The following LRP1B variants were observed in gnomAD, a reference collection of about 807,000 sequenced individuals.
LRP1B encodes the protein low-density lipoprotein receptor-related protein 1B.
LRP1B carries 217 observed loss-of-function variants against 556.6 expected under a neutral mutation model. That is an observed-to-expected ratio of 0.39 (90% confidence interval 0.35 to 0.44). The LOEUF is 0.44. LRP1B is among the 20% of genes least tolerant of loss of function. The probability of loss-of-function intolerance (pLI) is 1.00; values close to 1 mark genes in which losing one functional copy is unlikely to be tolerated. For synonymous variants in LRP1B, 2,047 were observed against 1,865.8 expected (o/e 1.10, Z -2.50); for missense variants, 5,053 against 5,620.8 (o/e 0.90, Z 3.23).
chr2:140,986,157 T>C (rs1173326880), intron 17 of LRP1B, among the ~76,000 whole-genome samples: 5 of 152,034 alleles, frequency 3.3e-5, no homozygotes, highest in Non-Finnish European at 5.9e-5. Context: ...TTTAACTTTA[T>C]TTTTAAATTC....
chr2:140,516,130 A>T (rs568510032), intron 50 of LRP1B, among the ~76,000 whole-genome samples: 1 of 152,186 alleles, frequency 6.6e-6, no homozygotes, highest in Non-Finnish European at 1.5e-5. Context: ...ATAGAAGTTT[A>T]TATATATTAT....
intron 43 of LRP1B, among the ~76,000 whole-genome samples, chr2:140,545,692 A>T (rs966318091): frequency 6.6e-6 from 1 of 152,042 alleles, no homozygotes; most frequent in East Asian, 1.9e-4. Context: ...GTAGCCCTGT[A>T]GTACAGTTTG....
intron 3 of LRP1B, among the ~76,000 whole-genome samples, chr2:141,277,787 T>C (rs920755809): frequency 6.6e-6 from 1 of 151,840 alleles, no homozygotes; most frequent in South Asian, 2.1e-4. Context: ...AATCCAATTA[T>C]TATTTAGAAG....
chr2:141,516,607 AT>A (rs1439718412), intron 2 of LRP1B, among the ~76,000 whole-genome samples: 2 of 151,830 alleles, frequency 1.3e-5, no homozygotes, highest in African/African-American at 4.8e-5. Flanking sequence ...GGGAGCCATG[AT>A]TGCACCACTG....
rs1250290662 is a variant in LRP1B at position 140,289,551 on chromosome 2, C to A, written c.12967+8257G>T. Among the ~76,000 whole-genome samples, 5 of 151,422 alleles carry A rather than the reference C, an allele frequency of 3.3e-5. No individual in the cohort carries two copies. The East Asian group carries it at 9.8e-4, about 30-fold the overall frequency. The stretch of plus-strand genomic sequence containing the variant: ...ACATACATTGGTTTCTAATAAATTT[C>A]CTTTTATGTATAAGCACGTACGCCT... On this transcript the variant is annotated intron_variant, in intron 84 of 90. Transcript: ENST00000389484.
chr2:140,353,279 T>C (rs1682057024), intron 75 of LRP1B, among the ~76,000 whole-genome samples: 1 of 152,300 alleles, frequency 6.6e-6, no homozygotes, highest in South Asian at 2.1e-4. Context: ...TCAATTGTCA[T>C]TGCTTTTATT....
At chr2:141,981,832 G>C (rs1702050113) in intron 1 of LRP1B, among the ~76,000 whole-genome samples, 1 of 152,070 alleles carries the variant, frequency 6.6e-6, no homozygotes, top group Non-Finnish European at 1.5e-5. Context: ...TTCTAGTCAA[G>C]GTAATTAAAA....
intron 23 of LRP1B, among the ~76,000 whole-genome samples, chr2:140,900,767 A>T (rs1413074818): frequency 6.6e-6 from 1 of 152,002 alleles, no homozygotes; most frequent in Non-Finnish European, 1.5e-5. Context: ...GCCATTTAAA[A>T]ATGTGATCAC....
chr2:140,978,948 C>G (rs1361779775), intron 18 of LRP1B, among the ~76,000 whole-genome samples: 1 of 152,122 alleles, frequency 6.6e-6, no homozygotes, highest in African/African-American at 2.4e-5. Context: ...TTGTGTGCTG[C>G]AGGCCTCTTG....
At chr2:140,812,726 C>T (rs1690972067) in intron 32 of LRP1B, among the ~76,000 whole-genome samples, 1 of 151,802 alleles carries the variant, frequency 6.6e-6, no homozygotes, top group Admixed American at 6.6e-5. Context: ...TTCAAATGGG[C>T]TTTTCATAAA....
chr2:141,279,243 T>A (rs1685418649), intron 3 of LRP1B, among the ~76,000 whole-genome samples: 1 of 151,790 alleles, frequency 6.6e-6, no homozygotes, highest in African/African-American at 2.4e-5. Context: ...ATGTTTATAG[T>A]AATTCTTATA....
chr2:140,595,090 A>ATATCTATATATATATC (rs1207265838), intron 43 of LRP1B, among the ~76,000 whole-genome samples: 1 of 3,336 alleles, frequency 3.0e-4, no homozygotes, highest in African/African-American at 8.5e-4. Flanking sequence ...TAAATTGAAT[A>ATATCTATATATATATC]TATATATATA....
chr2:142,036,105 G>T (rs1180014084), intron 1 of LRP1B, among the ~76,000 whole-genome samples: 1 of 151,594 alleles, frequency 6.6e-6, no homozygotes, highest in Non-Finnish European at 1.5e-5. Flanking sequence ...TTAATCAGCA[G>T]CATAAAAACA....
At chr2:140,686,822 A>T (rs1222011399) in intron 41 of LRP1B, among the ~76,000 whole-genome samples, 1 of 152,090 alleles carries the variant, frequency 6.6e-6, no homozygotes, top group African/African-American at 2.4e-5. Context: ...TGGGAACAGC[A>T]TATGTAGAGT....
At chr2:140,642,032 C>T (rs1418270059) in intron 41 of LRP1B, among the ~76,000 whole-genome samples, 1 of 151,994 alleles carries the variant, frequency 6.6e-6, no homozygotes, top group Non-Finnish European at 1.5e-5. Flanking sequence ...CTCAGATAAC[C>T]ATTGATGATT....
intron 1 of LRP1B, among the ~76,000 whole-genome samples, chr2:142,108,252 G>A (rs548445880): frequency 6.6e-6 from 1 of 151,972 alleles, no homozygotes; most frequent in South Asian, 2.1e-4. Context: ...TCTTTCCTAT[G>A]ATTTTAGAGC....
At chr2:141,539,890 A>T (rs1685193803) in intron 2 of LRP1B, among the ~76,000 whole-genome samples, 1 of 152,142 alleles carries the variant, frequency 6.6e-6, no homozygotes, top group Non-Finnish European at 1.5e-5. Flanking sequence ...GACCTACAAA[A>T]GTAAGCCACA....
At chr2:141,990,885 G>A (rs1209219187) in intron 1 of LRP1B, among the ~76,000 whole-genome samples, 1 of 151,928 alleles carries the variant, frequency 6.6e-6, no homozygotes, top group Non-Finnish European at 1.5e-5. Flanking sequence ...GTAATTTTCT[G>A]TAATCAGTGT....
chr2:140,520,682 T>C (rs1690125355), intron 49 of LRP1B, among the ~76,000 whole-genome samples: 1 of 151,392 alleles, frequency 6.6e-6, no homozygotes, highest in South Asian at 2.1e-4. Context: ...AATTAATTTT[T>C]TTAATGTGAA....
Sources: gnomAD v4.1 joint callset for allele counts (sites outside exome capture counted in the v4.1 genomes callset) on GRCh38, gnomAD v4.1.1 for gene constraint, MANE v1.5 for transcripts, NCBI Gene and HGNC (gene_info 2026-07-23, HGNC 2026-07-21) for gene names.